Variants in IREB2 observed in about 807,000 individuals in gnomAD.
IREB2 encodes the protein iron responsive element binding protein 2, also known as iron-responsive element-binding protein 2.
Under a neutral mutation model 118.8 loss-of-function variants are expected in IREB2, and 39 were observed. The ratio of observed to expected loss-of-function variants is 0.33; its 90% CI spans 0.25 to 0.43. The LOEUF is 0.43. Among genes scored for constraint, IREB2 ranks in the 20% least tolerant of loss-of-function variants. The pLI is 1.00. For synonymous variants in IREB2, 372 were observed against 392.2 expected, an observed-to-expected ratio of 0.95 and a Z score of 0.61; for missense variants, 900 against 1,147.3, an observed-to-expected ratio of 0.78 and a Z score of 3.11.
chr15:78,482,585 G>C (rs1249397281), intron 10 of IREB2, among the ~76,000 whole-genome samples: 4 of 152,162 alleles, frequency 2.6e-5, no homozygotes, highest in Non-Finnish European at 5.9e-5. Flanking sequence ...GCTGACAAAG[G>C]AGAAATGTTT....
intron 8 of IREB2, chr15:78,474,787 G>A (rs966889460): frequency 5.9e-5 from 9 of 151,886 alleles, no homozygotes; most frequent in African/African-American, 2.2e-4. Context: ...CGGGCGCGGT[G>A]GCTCACGCCT....
At chr15:78,445,251 C>G (rs552058033) in intron 2 of IREB2, among the ~76,000 whole-genome samples, 1 of 152,020 alleles carries the variant, frequency 6.6e-6, no homozygotes, top group East Asian at 1.9e-4. Flanking sequence ...GATTCTTCTG[C>G]CTCAGCCTCT....
chr15:78,441,989 C>G (rs1381228249), intron 2 of IREB2, among the ~76,000 whole-genome samples: 2 of 152,096 alleles, frequency 1.3e-5, no homozygotes, highest in Admixed American at 1.3e-4. Context: ...TCACTGCTGC[C>G]TCTGCCTCCT....
At chr15:78,480,483 G>A (rs1470442133) in intron 10 of IREB2, among the ~76,000 whole-genome samples, 2 of 150,630 alleles carry the variant, frequency 1.3e-5, no homozygotes, top group African/African-American at 2.4e-5. Flanking sequence ...AGGAGTTCAC[G>A]ACCAGCCTAG....
chr15:78,495,070 G>C (rs2051817831), intron 20 of IREB2, among the ~76,000 whole-genome samples: 1 of 151,984 alleles, frequency 6.6e-6, no homozygotes, highest in African/African-American at 2.4e-5. Context: ...GCCATCTGCT[G>C]GGGGGGAATA....
At chr15:78,451,388 C>T (rs920848962) in intron 2 of IREB2, among the ~76,000 whole-genome samples, 9 of 151,834 alleles carry the variant, frequency 5.9e-5, no homozygotes, top group Non-Finnish European at 1.0e-4. Flanking sequence ...GCTTGCAGCT[C>T]AATCATACAA....
upstream of IREB2, chr15:78,438,058 T>C (rs966113307): frequency 1.5e-5 from 7 of 480,022 alleles, no homozygotes; most frequent in African/African-American, 1.4e-4. Flanking sequence ...CCGCCCCCGC[T>C]CGCGAGAACA....
chr15:78,461,696 G>A (rs2051200003), intron 2 of IREB2, among the ~76,000 whole-genome samples: 2 of 152,126 alleles, frequency 1.3e-5, no homozygotes, highest in African/African-American at 4.8e-5. Context: ...CACCCAGTGA[G>A]CAGGAAATGC....
intron 3 of IREB2, among the ~76,000 whole-genome samples, chr15:78,464,977 A>G (rs2051256986): frequency 6.6e-6 from 1 of 152,192 alleles, no homozygotes; most frequent in Non-Finnish European, 1.5e-5. Context: ...ACATGGCAAG[A>G]GTTTCACAGG....
chr15:78,478,711 G>GA (rs1391129453), intron 10 of IREB2, among the ~76,000 whole-genome samples: 1 of 151,988 alleles, frequency 6.6e-6, no homozygotes, highest in Non-Finnish European at 1.5e-5. Flanking sequence ...TGTCAAAAAG[G>GA]AAAAAAATAA....
At chr15:78,490,161 C>T (rs1028588139) in intron 16 of IREB2, among the ~76,000 whole-genome samples, 1 of 151,988 alleles carries the variant, frequency 6.6e-6, no homozygotes, top group Non-Finnish European at 1.5e-5. Flanking sequence ...GCCTATAATC[C>T]CAACCCTCAG....
intron 9 of IREB2, among the ~76,000 whole-genome samples, chr15:78,477,862 A>C (rs1304378427): frequency 6.6e-6 from 1 of 152,126 alleles, no homozygotes; most frequent in Non-Finnish European, 1.5e-5. Flanking sequence ...TCAAAACTGC[A>C]GTGGGCTATG....
In IREB2 at chr15:78,470,514, A is replaced by G. The variant is rs2141486828; in HGVS notation, c.630-18A>G. 1 of 1,557,890 alleles carries G rather than the reference A, an allele frequency of 6.4e-7. No homozygotes were observed. Among genetic ancestry groups the G allele is most frequent in the South Asian group, 1.2e-5 (1 of 83,602 alleles). On this transcript the variant is annotated intron_variant, in intron 5 of 21. Transcript: ENST00000258886. Reference sequence around the variant, plus strand: ...TTTTGTAATACATACGTTTAATGCCAGCTCTTCTTCCTTTTAGACCTGAAA... The same window carrying G: ...TTTTGTAATACATACGTTTAATGCCGGCTCTTCTTCCTTTTAGACCTGAAA...
rs758507146 is a variant in IREB2 at position 78,494,033 on chromosome 15, A to G, written c.2449A>G (p.Ile817Val). 2 of 1,614,126 alleles carry G rather than the reference A, an allele frequency of 1.2e-6. No individual in the cohort carries two copies. Among genetic ancestry groups the G allele is most frequent in the Non-Finnish European group, 1.7e-6 (2 of 1,179,990 alleles). ...TATTGGAAAACCAGCTCCTAAAACA[A>G]TTCATTTTCCATCAGGACAGACGGT... ...KFIGKPAPKT[I>V]HFPSGQTLDV... Residue 817 changes from isoleucine (I) to valine (V), a missense_variant, in exon 19 of 22, where the codon ATT becomes GTT. By Grantham distance (29) the Ile-to-Val change is conservative (BLOSUM62 3). Transcript: ENST00000258886.
At position 78,501,150 on chromosome 15, in the gene IREB2, T is replaced by A. The variant is rs1397417425; in HGVS notation, c.*3007T>A. On this transcript the variant is annotated 3_prime_UTR_variant, in exon 22 of 22. Transcript: ENST00000258886. ...AGAGAAGAAGAGGGTGGACTTTGGC[T>A]TTTCAGTGTTTTTTCCCCTAAAGAG... is the stretch of plus-strand genomic sequence containing the variant. The A allele has an allele frequency of 6.6e-6, 1 of 152,228 alleles. No homozygotes were observed. Among genetic ancestry groups the A allele is most frequent in the Non-Finnish European group, 1.5e-5 (1 of 68,036 alleles). The allele number at this position is 152,228 out of a possible 1,614,324, so 9.4% of individuals were successfully genotyped here. A position where few individuals can be genotyped will look rare whatever the true frequency, so the allele number is the denominator to read the frequency against.
In IREB2 at chr15:78,466,395, G is replaced by A; in HGVS notation, c.535G>A (p.Asp179Asn). 6.2e-7 allele frequency: 1 copy of A among 1,614,162 alleles called. No individual in the cohort carries two copies. Among genetic ancestry groups the A allele is most frequent in the Non-Finnish European group, 8.5e-7 (1 of 1,180,000 alleles). The stretch of plus-strand genomic sequence containing the variant: ...CCAGACTACCTGCCGAGGATCTTGT[G>A]ATTCTGGAGAACTAGGCCGAAACTC... ...RGQTTCRGSC[D>N]SGELGRNSGT... The change falls in exon 5 of 22, where the codon GAT becomes AAT. Residue 179 changes from aspartate (D) to asparagine (N), a missense_variant. By Grantham distance (23) the Asp-to-Asn change is conservative. Coordinates refer to ENST00000258886, the MANE Select transcript of IREB2 (RefSeq NM_004136.4).
At chr15:78,485,913 T>G in intron 13 of IREB2, 73 bp downstream of exon 13, 6 of 1,257,374 alleles carry the variant, frequency 4.8e-6, no homozygotes, top group Non-Finnish European at 6.7e-6. Flanking sequence ...TTTGTGCCTT[T>G]CATATACAAA....
At chr15:78,468,125 A>G (rs2051315473) in intron 5 of IREB2, among the ~76,000 whole-genome samples, 2 of 152,222 alleles carry the variant, frequency 1.3e-5, no homozygotes, top group African/African-American at 4.8e-5. Context: ...AAGTGCTGGG[A>G]TTATAAGCAT....
intron 2 of IREB2, among the ~76,000 whole-genome samples, chr15:78,457,884 A>C (rs1419657329): frequency 6.6e-6 from 1 of 152,074 alleles, no homozygotes; most frequent in East Asian, 1.9e-4. Context: ...ATTATCTCCA[A>C]ATGTTCTATT....
Sources: allele counts gnomAD v4.1 joint callset (sites outside exome capture counted in the v4.1 genomes callset), GRCh38; gene constraint gnomAD v4.1.1; transcripts MANE v1.5; gene names NCBI Gene and HGNC (gene_info 2026-07-23, HGNC 2026-07-21).